Variants in NFATC3 observed in about 807,000 individuals in gnomAD.
The protein encoded by NFATC3 is nuclear factor of activated T cells 3.
In NFATC3, 46 loss-of-function variants were observed where a neutral mutation model predicts 98.6. The observed-to-expected ratio is 0.47, with a 90% CI of 0.37 to 0.60. The LOEUF is 0.60. Among genes scored for constraint, NFATC3 ranks in the 20% least tolerant of loss-of-function variants. The pLI is 0.00. For missense variants in NFATC3, 1,256 were observed against 1,295.5 expected (o/e 0.97, Z 0.47); for synonymous variants, 512 against 472.2 (o/e 1.08, Z -1.09).
At chr16:68,176,382 A>G (rs1316787115) in intron 6 of NFATC3, among the ~76,000 whole-genome samples, 3 of 149,904 alleles carry the variant, frequency 2.0e-5, no homozygotes. Context: ...TGGACTTTGT[A>G]CGATATTGCC....
At chr16:68,168,076 C>T (rs1273999621) in intron 5 of NFATC3, among the ~76,000 whole-genome samples, 1 of 151,346 alleles carries the variant, frequency 6.6e-6, no homozygotes, top group Non-Finnish European at 1.5e-5. Flanking sequence ...TCAGGTGATC[C>T]ACCCGCGTTG....
intron 8 of NFATC3, among the ~76,000 whole-genome samples, chr16:68,187,433 C>T (rs2040250696): frequency 6.6e-6 from 1 of 152,198 alleles, no homozygotes; most frequent in African/African-American, 2.4e-5. Context: ...AGTTCTTGTC[C>T]TGTGCCCAGG....
At chr16:68,212,251 T>G (rs1567552433) in intron 9 of NFATC3, 1 of 152,244 alleles carries the variant, frequency 6.6e-6, no homozygotes, top group Non-Finnish European at 1.5e-5. Context: ...AAAATTTTGC[T>G]TAACCAAAGG....
At chr16:68,161,900 T>C (rs1364457812) in intron 4 of NFATC3, among the ~76,000 whole-genome samples, 3 of 152,204 alleles carry the variant, frequency 2.0e-5, no homozygotes, top group Admixed American at 6.5e-5. Flanking sequence ...TATGAAAGCA[T>C]TGGAGCAGTA....
At chr16:68,193,142 A>G (rs1269574655) in intron 9 of NFATC3, among the ~76,000 whole-genome samples, 1 of 152,058 alleles carries the variant, frequency 6.6e-6, no homozygotes, top group Non-Finnish European at 1.5e-5. Flanking sequence ...TGTTCCCATT[A>G]GCATTTACAT....
chr16:68,191,554 C>T lies in NFATC3; in HGVS notation c.2885C>T (p.Ser962Leu), dbSNP rs1220229340. The T allele has an allele frequency of 1.2e-6, 2 of 1,614,148 alleles. No individual in the cohort carries two copies. Reference sequence around the variant, plus strand: ...TCTCCTAGCTCAGGAACTGCCTCATCACCGTCTCCAGCCACCAGAATGCAT... The same window carrying T: ...TCTCCTAGCTCAGGAACTGCCTCATTACCGTCTCCAGCCACCAGAATGCAT... ...YQSPSSGTAS[S>L]PSPATRMHSG... Residue 962 changes from serine (S) to leucine (L), a missense_variant, in exon 9 of 10, where the codon TCA (serine) becomes TTA (leucine). Around this residue, in one of 3 missense-constraint regions of NFATC3, gnomAD observed 636 missense variants for 617.3 expected, o/e 1.03. Coordinates refer to ENST00000346183, the MANE Select transcript of NFATC3 (RefSeq NM_173165.3).
At chr16:68,089,215 AGAGT>A (rs2034568037) in intron 1 of NFATC3, 3 of 985,302 alleles carry the variant, frequency 3.0e-6, no homozygotes, top group Non-Finnish European at 3.6e-6. Context: ...AAGTGGATAG[AGAGT>A]GAGGACAAGC....
At chr16:68,117,037 C>A (rs1435080000) in intron 1 of NFATC3, among the ~76,000 whole-genome samples, 1 of 152,120 alleles carries the variant, frequency 6.6e-6, no homozygotes, top group Non-Finnish European at 1.5e-5. Flanking sequence ...TTTTAGATTT[C>A]CTGCTTCTAA....
At position 68,226,450 on chromosome 16, in the gene NFATC3, A is replaced by T; in HGVS notation, c.3207A>T (p.Leu1069Phe). The change falls in exon 10 of 10, where the codon TTA becomes TTT. Residue 1069 changes from leucine (L) to phenylalanine (F), a missense_variant. Leu to Phe is a conservative substitution (Grantham distance 22). Transcript: ENST00000346183. ...APLPSPESLD[L>F]GRSDGL ...TCCCGAGTCCTGAGTCCCTGGATTT[A>T]GGAAGATCTGATGGGCTCTAACAGT... 6.4e-7 allele frequency: 1 copy of T among 1,555,134 alleles called. No individual in the cohort carries two copies. Among genetic ancestry groups the T allele is most frequent in the Non-Finnish European group, 8.6e-7 (1 of 1,157,058 alleles).
In NFATC3 at chr16:68,158,465, T is replaced by A. The variant is rs191043253; in HGVS notation, c.1601+397T>A. On this transcript the variant is annotated intron_variant, in intron 4 of 9. Coordinates refer to ENST00000346183, the MANE Select transcript of NFATC3 (RefSeq NM_173165.3). ...CCACTTGACCCATTTCCAAATAAGA[T>A]GAGGTGGCCAACTTCTGAATGAGAA... Among the ~76,000 whole-genome samples the A allele has an allele frequency of 2.6e-3, 390 of 152,256 alleles. 2 individuals carry two copies. Among genetic ancestry groups the A allele is most frequent in the African/African-American group, 8.9e-3 (371 of 41,558 alleles).
intron 8 of NFATC3, among the ~76,000 whole-genome samples, chr16:68,189,109 G>T (rs1319936165): frequency 6.6e-6 from 1 of 152,166 alleles, no homozygotes; most frequent in African/African-American, 2.4e-5. Flanking sequence ...CCTTGTTTTT[G>T]AAAATTAGTT....
At position 68,122,994 on chromosome 16, in the gene NFATC3, A is replaced by G; in HGVS notation, c.1111A>G (p.Thr371Ala). Residue 371 changes from threonine to alanine, a missense_variant, in exon 2 of 10, where the codon ACT becomes GCT. Around this residue, in one of 3 missense-constraint regions of NFATC3, gnomAD observed 464 missense variants for 465.7 expected, o/e 1.00. Transcript: ENST00000346183. ...AGGGAGTTTATCACCAGCCCGGGAG[A>G]CTTCAATAGATGATGGCCTTGGATC... ...DQGSLSPARE[T>A]SIDDGLGSQY... is the part of the protein sequence containing the mutation. 1 of 1,614,052 alleles carries G rather than the reference A, an allele frequency of 6.2e-7. No homozygotes were observed. The highest frequency in any genetic ancestry group is 8.5e-7 in the Non-Finnish European group (1 of 1,180,032).
intron 9 of NFATC3, chr16:68,214,492 T>G: frequency 1.4e-6 from 2 of 1,409,064 alleles, no homozygotes; most frequent in African/African-American, 1.4e-5. Context: ...TTGCATGCAG[T>G]GGCTGGATTT....
chr16:68,185,643 AG>A (rs2151633881), intron 8 of NFATC3, among the ~76,000 whole-genome samples: 1 of 152,152 alleles, frequency 6.6e-6, no homozygotes, highest in Admixed American at 6.5e-5. Context: ...TGGGAGGCCG[AG>A]GTGGGCGGAT....
chr16:68,138,030 TA>T (rs1361988100), intron 3 of NFATC3, among the ~76,000 whole-genome samples: 2 of 151,878 alleles, frequency 1.3e-5, no homozygotes. Context: ...TCTCTTACTT[TA>T]AAAAAAAATT....
At chr16:68,158,435 G>A (rs926602616) in intron 4 of NFATC3, among the ~76,000 whole-genome samples, 4 of 152,052 alleles carry the variant, frequency 2.6e-5, no homozygotes, top group Admixed American at 6.6e-5. Flanking sequence ...TTACCTCCAG[G>A]CATCCCACTT....
intron 9 of NFATC3, among the ~76,000 whole-genome samples, chr16:68,197,034 AAAAT>A (rs561700662): frequency 6.6e-6 from 1 of 151,942 alleles, no homozygotes; most frequent in African/African-American, 2.4e-5. Context: ...CCATCTCAAG[AAAAT>A]AAATAAATAA....
At chr16:68,118,520 T>G (rs1567506300) in intron 1 of NFATC3, among the ~76,000 whole-genome samples, 1 of 152,196 alleles carries the variant, frequency 6.6e-6, no homozygotes, top group African/African-American at 2.4e-5. Context: ...CACTGATGTC[T>G]CTTCTAACCT....
intron 1 of NFATC3, among the ~76,000 whole-genome samples, chr16:68,087,120 C>T (rs998933982): frequency 6.6e-6 from 1 of 152,136 alleles, no homozygotes; most frequent in East Asian, 1.9e-4. Flanking sequence ...GAGAGTGTAG[C>T]ATTGAATTGT....
Sources: allele counts gnomAD v4.1 joint callset (sites outside exome capture counted in the v4.1 genomes callset), GRCh38; gene constraint gnomAD v4.1.1; regional missense constraint gnomAD v4.1.1; transcripts MANE v1.5; gene names NCBI Gene and HGNC (gene_info 2026-07-23, HGNC 2026-07-21).